LRRC7: variants seen among roughly 807,000 people sequenced by gnomAD.
LRRC7 encodes the protein leucine rich repeat containing 7.
Under a neutral mutation model 175.7 loss-of-function variants are expected in LRRC7, and 23 were observed. The ratio of observed to expected loss-of-function variants is 0.13; its 90% CI spans 0.09 to 0.19. The LOEUF is 0.19. LRRC7 is among the 10% of genes least tolerant of loss of function. The pLI, the probability that LRRC7 is intolerant of heterozygous loss-of-function variation, is 1.00. For synonymous variants in LRRC7, 685 were observed against 680.9 expected, an observed-to-expected ratio of 1.01 and a Z score of -0.09; for missense variants, 1,354 against 1,904.7, an observed-to-expected ratio of 0.71 and a Z score of 5.38.
chr1:69,612,246 A>G (rs1366134842), intron 1 of LRRC7, among the ~76,000 whole-genome samples: 1 of 152,084 alleles, frequency 6.6e-6, no homozygotes, highest in Non-Finnish European at 1.5e-5. Context: ...CAGACTTAAG[A>G]ATTAATGCTA....
At chr1:69,647,784 A>G (rs982293294) in intron 1 of LRRC7, among the ~76,000 whole-genome samples, 1 of 152,120 alleles carries the variant, frequency 6.6e-6, no homozygotes, top group African/African-American at 2.4e-5. Flanking sequence ...CATATTTTCT[A>G]TCTACTTTAG....
At chr1:69,736,030 C>T (rs1260947704) in intron 2 of LRRC7, among the ~76,000 whole-genome samples, 1 of 152,052 alleles carries the variant, frequency 6.6e-6, no homozygotes, top group Non-Finnish European at 1.5e-5. Flanking sequence ...AATTGTGGTG[C>T]TGAGAAAAAT....
In LRRC7 at chr1:69,781,782, AAAGAAAGG is replaced by A. The variant is rs1247191915; in HGVS notation, c.304-10257_304-10250del. 7.0e-3 allele frequency among the ~76,000 whole-genome samples: 385 copies of A among 55,378 alleles called. 7 individuals carry two copies. The highest frequency in any genetic ancestry group is 7.6e-3 in the Non-Finnish European group (217 of 28,582). The allele number at this position is 55,378 out of a possible 152,430, so 36.3% of individuals were successfully genotyped here. On this transcript the variant is annotated intron_variant, in intron 3 of 26. Transcript: ENST00000651989. ...GAGAGAGAGAAAGAAAGAAAGAAAGAAAGAAAGGAAGGAAGGAAGGAAGGAAGGAAGGA... is the reference window on the plus strand; with the variant it reads ...GAGAGAGAGAAAGAAAGAAAGAAAGAAAGGAAGGAAGGAAGGAAGGAAGGA...
intron 3 of LRRC7, among the ~76,000 whole-genome samples, chr1:69,775,691 C>T (rs1197398219): frequency 3.9e-5 from 6 of 152,144 alleles, no homozygotes; most frequent in African/African-American, 9.7e-5. Context: ...ATATGTACTG[C>T]GTCTTTCTAT....
intron 1 of LRRC7, among the ~76,000 whole-genome samples, chr1:69,650,634 A>G (rs10489553): frequency 0.1 from 15,805 of 151,696 alleles, 1,001 homozygotes; most frequent in African/African-American, 0.18. Flanking sequence ...CATGCATTAT[A>G]GGCTATCTGT....
intron 1 of LRRC7, among the ~76,000 whole-genome samples, chr1:69,595,071 C>G (rs1211549019): frequency 6.6e-6 from 1 of 151,600 alleles, no homozygotes; most frequent in Non-Finnish European, 1.5e-5. Flanking sequence ...TGAATATAGA[C>G]CAACTCATTT....
At chr1:69,919,633 G>T (rs1341979446) in intron 7 of LRRC7, 49 of 857,860 alleles carry the variant, frequency 5.7e-5, no homozygotes, top group Middle Eastern at 4.5e-4. Flanking sequence ...ACATCCAGAA[G>T]ATCAAGGCAG....
intron 7 of LRRC7, among the ~76,000 whole-genome samples, chr1:69,916,607 A>G (rs2101721581): frequency 6.6e-6 from 1 of 152,102 alleles, no homozygotes; most frequent in African/African-American, 2.4e-5. Flanking sequence ...CTCCTTGGCA[A>G]CTATCAATTA....
intron 1 of LRRC7, among the ~76,000 whole-genome samples, chr1:69,591,216 C>A (rs1372523814): frequency 6.6e-6 from 1 of 151,998 alleles, no homozygotes; most frequent in East Asian, 1.9e-4. Context: ...GATTTCCTGA[C>A]AATAAGCAGG....
chr1:70,015,431 C>G (rs897150056), intron 13 of LRRC7, among the ~76,000 whole-genome samples: 1 of 151,930 alleles, frequency 6.6e-6, no homozygotes, highest in African/African-American at 2.4e-5. Context: ...ATTTATTTAT[C>G]TATTGGCTGA....
intron 2 of LRRC7, among the ~76,000 whole-genome samples, chr1:69,732,683 C>G (rs1315422799): frequency 6.6e-6 from 1 of 151,940 alleles, no homozygotes; most frequent in African/African-American, 2.4e-5. Flanking sequence ...TATATACTTG[C>G]AATATTTGGA....
At position 70,138,892 on chromosome 1, in the gene LRRC7, A is replaced by G. The variant is rs1259249850; in HGVS notation, c.*17005A>G. The G allele has an allele frequency of 6.6e-6, 1 of 152,200 alleles. No individual in the cohort carries two copies. The highest frequency in any genetic ancestry group is 2.4e-5 in the African/African-American group (1 of 41,452). The allele number at this position is 152,200 out of a possible 1,614,324, so 9.4% of individuals were successfully genotyped here. A position where few individuals can be genotyped will look rare whatever the true frequency, so the allele number is the denominator to read the frequency against. The stretch of plus-strand genomic sequence containing the variant: ...AGCTACCTGATTTTAAAGAGACCAT[A>G]TTAGAAATGAAAAGCAGCAGTCTCT... On this transcript the variant is annotated 3_prime_UTR_variant, in exon 27 of 27. Coordinates refer to ENST00000651989, the MANE Select transcript of LRRC7 (RefSeq NM_001370785.2).
intron 2 of LRRC7, among the ~76,000 whole-genome samples, chr1:69,706,702 A>G (rs939916853): frequency 1.3e-5 from 2 of 152,176 alleles, no homozygotes; most frequent in African/African-American, 4.8e-5. Flanking sequence ...TTTCTGAGGC[A>G]GGAAGCAGGA....
chr1:69,596,131 T>C (rs1167572165), intron 1 of LRRC7, among the ~76,000 whole-genome samples: 2 of 152,128 alleles, frequency 1.3e-5, no homozygotes, highest in African/African-American at 4.8e-5. Flanking sequence ...TCTTGTTTTC[T>C]GTTCACAGGC....
chr1:69,864,279 T>C (rs982866398), intron 7 of LRRC7, among the ~76,000 whole-genome samples: 2 of 152,238 alleles, frequency 1.3e-5, no homozygotes, highest in Admixed American at 6.5e-5. Flanking sequence ...TGAATGTCTT[T>C]TATATTTCTA....
In LRRC7 at chr1:70,076,270, A is replaced by G; in HGVS notation, c.4424A>G (p.Gln1475Arg). ...PGRCLIQTKG[Q>R]RSMDGYPEQF... is the part of the protein sequence containing the mutation. ...CGGTGCTTAATTCAAACTAAAGGGC[A>G]AAGGAGTATGGATGGATATCCAGAG... Residue 1475 changes from glutamine (Q) to arginine (R), a missense_variant, in exon 24 of 27, where the codon CAA (glutamine) becomes CGA (arginine). Gln to Arg is a conservative substitution (Grantham distance 43). Around this residue, in one of 4 missense-constraint regions of LRRC7, gnomAD observed 1,032 missense variants for 1,227.2 expected, o/e 0.84. Coordinates refer to ENST00000651989, the MANE Select transcript of LRRC7 (RefSeq NM_001370785.2). The G allele has an allele frequency of 6.2e-7, 1 of 1,614,084 alleles. No homozygotes were observed. The highest frequency in any genetic ancestry group is 8.5e-7 in the Non-Finnish European group (1 of 1,179,962).
chr1:69,915,057 A>G (rs910527507), intron 7 of LRRC7, among the ~76,000 whole-genome samples: 3 of 152,322 alleles, frequency 2.0e-5, no homozygotes, highest in Admixed American at 2.0e-4. Context: ...CTGTGTCAGC[A>G]CTGTCACTAA....
intron 8 of LRRC7, among the ~76,000 whole-genome samples, chr1:69,934,291 G>A (rs1484344196): frequency 6.6e-6 from 1 of 152,034 alleles, no homozygotes; most frequent in African/African-American, 2.4e-5. Flanking sequence ...AAAATAAAAT[G>A]TGAAGGCCTA....
chr1:69,857,260 C>T lies in LRRC7; in HGVS notation c.647+18977C>T, dbSNP rs1683765300. 2.6e-5 allele frequency among the ~76,000 whole-genome samples: 4 copies of T among 152,098 alleles called. No homozygotes were observed. In the South Asian group the frequency reaches 8.3e-4, roughly 32 times the overall value. On this transcript the variant is annotated intron_variant, in intron 7 of 26. Coordinates refer to ENST00000651989, the MANE Select transcript of LRRC7 (RefSeq NM_001370785.2). ...TTCAACATAGTGTTGGAAATTCTGG[C>T]CAGGGCAATCAGGCAGGAGAAAGAA...
Sources: allele counts gnomAD v4.1 joint callset (sites outside exome capture counted in the v4.1 genomes callset), GRCh38; gene constraint gnomAD v4.1.1; regional missense constraint gnomAD v4.1.1; transcripts MANE v1.5; gene names NCBI Gene and HGNC (gene_info 2026-07-23, HGNC 2026-07-21).